Variants in COL5A2 observed in about 807,000 individuals in gnomAD.
The protein encoded by COL5A2 is collagen type V alpha 2 chain.
Under a neutral mutation model 208.2 loss-of-function variants are expected in COL5A2, and 23 were observed. That is an observed-to-expected ratio of 0.11 (90% CI 0.08 to 0.16). COL5A2 has a LOEUF of 0.16. Among genes scored for constraint, COL5A2 ranks in the 10% least tolerant of loss-of-function variants. COL5A2 has a pLI of 1.00. For missense variants in COL5A2, 1,590 were observed against 1,956.4 expected (o/e 0.81, Z 3.53); for synonymous variants, 625 against 628.5 (o/e 0.99, Z 0.08).
At position 189,218,433 on chromosome 2, in the gene COL5A2, C is replaced by T. The variant is rs1172631114; in HGVS notation, c.-42+6715G>A. On this transcript the variant is annotated intron_variant, in intron 1 of 10. Coordinates refer to the COL5A2 transcript ENST00000649966. ...GGGAAACACAAACGGTTACTAGGAG[C>T]CAACAGGAGCTGGGAAGAGGCAAAG... 2.6e-5 allele frequency among the ~76,000 whole-genome samples: 4 copies of T among 152,058 alleles called. No individual in the cohort carries two copies. The East Asian group carries it at 7.7e-4, about 29-fold the overall frequency.
At chr2:189,045,086 A>C in intron 47 of COL5A2, 93 bp downstream of exon 47, 1 of 813,324 alleles carries the variant, frequency 1.2e-6, no homozygotes, top group Non-Finnish European at 1.9e-6. Flanking sequence ...GAGGAATTTC[A>C]TATTTTTCAG....
chr2:189,095,520 ACACACACAACACG>A (rs913636160), intron 6 of COL5A2, among the ~76,000 whole-genome samples: 10 of 151,884 alleles, frequency 6.6e-5, no homozygotes, highest in Non-Finnish European at 1.3e-4. Flanking sequence ...ACACAAACAC[ACACACACAACACG>A]CACACACTTA....
chr2:189,424,912 T>C, the COL5A2 span, among the ~76,000 whole-genome samples: 1 of 152,190 alleles, frequency 6.6e-6, no homozygotes, highest in East Asian at 1.9e-4. Flanking sequence ...CAAGATATAT[T>C]ACAAAGCTCT....
the COL5A2 span, among the ~76,000 whole-genome samples, chr2:189,325,581 TTGTG>T: frequency 3.9e-5 from 6 of 152,052 alleles, no homozygotes; most frequent in Non-Finnish European, 7.4e-5. Flanking sequence ...ATTCATATGT[TTGTG>T]TGTGTAATCT....
chr2:189,111,595 C>G (rs896165885), intron 1 of COL5A2, among the ~76,000 whole-genome samples: 7 of 152,032 alleles, frequency 4.6e-5, no homozygotes, highest in African/African-American at 1.7e-4. Context: ...AATTAGACTT[C>G]CTTTACCCAA....
chr2:189,164,402 A>T (rs950817200), intron 1 of COL5A2, among the ~76,000 whole-genome samples: 31 of 146,972 alleles, frequency 2.1e-4, no homozygotes, highest in African/African-American at 6.0e-4. Flanking sequence ...CTCTATTCTT[A>T]TTTTTTTTTT....
intron 52 of COL5A2, 105 bp from the exon 53 acceptor site, chr2:189,035,260 G>A: frequency 2.1e-6 from 3 of 1,417,188 alleles, no homozygotes; most frequent in Non-Finnish European, 2.0e-6. Flanking sequence ...AATCAATTTT[G>A]AAGAGTATTA....
At chr2:189,396,588 G>T in the COL5A2 span, among the ~76,000 whole-genome samples, 9 of 150,250 alleles carry the variant, frequency 6.0e-5, no homozygotes, top group East Asian at 1.8e-3. Flanking sequence ...GCAGGAGAAT[G>T]GCGTGAACCC....
At chr2:189,065,305 AGATCACCT>A (rs2105596409) in intron 23 of COL5A2, among the ~76,000 whole-genome samples, 1 of 152,264 alleles carries the variant, frequency 6.6e-6, no homozygotes, top group South Asian at 2.1e-4. Context: ...CAAGGCAGGC[AGATCACCT>A]GAGGTCAGGA....
At chr2:189,045,084 T>A (rs1685636727) in intron 47 of COL5A2, 95 bp downstream of exon 47, 5 of 786,008 alleles carry the variant, frequency 6.4e-6, no homozygotes, top group Non-Finnish European at 9.9e-6. Context: ...TTGAGGAATT[T>A]CATATTTTTC....
chr2:189,228,420 GA>G (rs1179796470), upstream of COL5A2, among the ~76,000 whole-genome samples: 1 of 151,354 alleles, frequency 6.6e-6, no homozygotes, highest in Non-Finnish European at 1.5e-5. Context: ...CTTGACTGAA[GA>G]AAAAAAGAGT....
the COL5A2 span, among the ~76,000 whole-genome samples, chr2:189,375,599 G>T: frequency 2.0e-5 from 3 of 152,142 alleles, no homozygotes; most frequent in Non-Finnish European, 2.9e-5. Flanking sequence ...TAGGATAATA[G>T]AAGAGTTTTC....
At chr2:189,326,743 C>T in the COL5A2 span, among the ~76,000 whole-genome samples, 3 of 149,624 alleles carry the variant, frequency 2.0e-5, no homozygotes, top group East Asian at 4.0e-4. Context: ...TCACCCACTC[C>T]CCACTAGAAA....
the COL5A2 span, among the ~76,000 whole-genome samples, chr2:189,414,637 CT>C: frequency 1.3e-5 from 2 of 151,212 alleles, no homozygotes; most frequent in Admixed American, 6.6e-5. Context: ...ATAATCCCAA[CT>C]ACTCGAAGGC....
At chr2:189,085,656 T>C in intron 10 of COL5A2, 63 bp downstream of exon 10, 1 of 1,370,756 alleles carries the variant, frequency 7.3e-7, no homozygotes, top group South Asian at 1.2e-5. Flanking sequence ...TAACTCAATA[T>C]TTGACATCAT....
chr2:189,374,221 A>G, the COL5A2 span, among the ~76,000 whole-genome samples: 5,526 of 152,246 alleles, frequency 0.036, 115 homozygotes, highest in Admixed American at 0.05. Flanking sequence ...GCATGGAGTA[A>G]GGCACAGGTT....
the COL5A2 span, among the ~76,000 whole-genome samples, chr2:189,240,344 T>G: frequency 2.0e-5 from 3 of 152,162 alleles, no homozygotes; most frequent in Non-Finnish European, 2.9e-5. Context: ...TATTCTCACA[T>G]GGCAAAGAGA....
the COL5A2 span, among the ~76,000 whole-genome samples, chr2:189,348,576 T>A: frequency 2.0e-5 from 3 of 152,160 alleles, no homozygotes; most frequent in South Asian, 6.2e-4. Flanking sequence ...CAATGTGTCA[T>A]CTTGAGGAAA....
chr2:189,263,541 T>C, the COL5A2 span, among the ~76,000 whole-genome samples: 1 of 152,128 alleles, frequency 6.6e-6, no homozygotes, highest in Non-Finnish European at 1.5e-5. Flanking sequence ...ATAAATCTAC[T>C]ATGCTGCCAG....
Sources: allele counts gnomAD v4.1 joint callset (sites outside exome capture counted in the v4.1 genomes callset), GRCh38; gene constraint gnomAD v4.1.1; transcripts MANE v1.5; gene names NCBI Gene and HGNC (gene_info 2026-07-23, HGNC 2026-07-21).